The following ABI3BP variants were observed in gnomAD, a reference collection of about 807,000 sequenced individuals.
ABI3BP encodes the protein target of Nesh-SH3.
A neutral mutation model predicts 268.6 loss-of-function variants in ABI3BP; 216 were observed. The observed-to-expected ratio is 0.80, with a 90% CI of 0.72 to 0.90. ABI3BP has a LOEUF of 0.90. ABI3BP is among the 40% of genes least tolerant of loss of function. The pLI is 0.00. For missense variants in ABI3BP, 2,090 were observed against 2,182.4 expected (o/e 0.96, Z 0.84); for synonymous variants, 730 against 730.0 (o/e 1.00, Z 0.00).
chr3:100,962,925 C>T (rs931400263), intron 1 of ABI3BP, among the ~76,000 whole-genome samples: 2 of 152,144 alleles, frequency 1.3e-5, no homozygotes, highest in Non-Finnish European at 2.9e-5. Context: ...ACAGCCTACT[C>T]AGCACCGTTC....
intron 9 of ABI3BP, 69 bp from the exon 10 acceptor site, chr3:100,867,025 T>C: frequency 8.5e-7 from 1 of 1,182,760 alleles, no homozygotes. Flanking sequence ...CAATGCATAA[T>C]CAAGTAGCAG....
chr3:100,845,907 TG>T (rs2098761881), intron 20 of ABI3BP, among the ~76,000 whole-genome samples: 1 of 151,472 alleles, frequency 6.6e-6, no homozygotes, highest in South Asian at 2.1e-4. Context: ...CAGAGGTCAG[TG>T]TTCAGAAATC....
chr3:100,958,938 C>T (rs1387685707), intron 1 of ABI3BP, among the ~76,000 whole-genome samples: 1 of 152,164 alleles, frequency 6.6e-6, no homozygotes, highest in Admixed American at 6.5e-5. Flanking sequence ...TCTGAGAATG[C>T]CTCCCATGGA....
intron 55 of ABI3BP, among the ~76,000 whole-genome samples, chr3:100,790,148 C>A (rs1440756891): frequency 6.6e-6 from 1 of 151,902 alleles, no homozygotes; most frequent in Non-Finnish European, 1.5e-5. Context: ...AATCCCTGGG[C>A]CAATTATCCA....
Position 100,982,293 on chromosome 3 carries a change from T to C in ABI3BP, c.79+11013A>G, listed in dbSNP as rs143589731. 7.5e-3 allele frequency among the ~76,000 whole-genome samples: 1,144 copies of C among 152,238 alleles called. 11 individuals carry two copies. The highest frequency in any genetic ancestry group is 0.025 in the African/African-American group (1,046 of 41,552). On this transcript the variant is annotated intron_variant, in intron 1 of 67. Coordinates refer to ENST00000471714, the MANE Select transcript of ABI3BP (RefSeq NM_001375547.2). ...GTGGGAACACAGAGCCAAACTATAT[T>C]GGCAGGTAAAGAGTTTTAAAAATGT...
chr3:100,832,038 A>T (rs1016940146), intron 31 of ABI3BP, among the ~76,000 whole-genome samples: 2 of 152,190 alleles, frequency 1.3e-5, no homozygotes, highest in Admixed American at 6.6e-5. Context: ...TGTCTTTAAG[A>T]CAGGAATGAA....
chr3:100,762,633 T>C (rs2096036777), intron 63 of ABI3BP, among the ~76,000 whole-genome samples: 1 of 152,228 alleles, frequency 6.6e-6, no homozygotes, highest in African/African-American at 2.4e-5. Flanking sequence ...TACCTCATTT[T>C]ACTTTTCCAT....
At chr3:100,802,202 A>T (rs1186784784) in intron 51 of ABI3BP, among the ~76,000 whole-genome samples, 1 of 152,230 alleles carries the variant, frequency 6.6e-6, no homozygotes, top group Non-Finnish European at 1.5e-5. Flanking sequence ...GTGTGACTAC[A>T]CATAAGAATT....
At chr3:100,776,243 C>G (rs1428270989) in intron 59 of ABI3BP, among the ~76,000 whole-genome samples, 1 of 152,192 alleles carries the variant, frequency 6.6e-6, no homozygotes, top group Non-Finnish European at 1.5e-5. Flanking sequence ...AAGCCTGACC[C>G]AAGGACTATG....
chr3:100,845,073 G>T (rs1416866553), intron 20 of ABI3BP, among the ~76,000 whole-genome samples: 3 of 152,082 alleles, frequency 2.0e-5, no homozygotes, highest in African/African-American at 7.2e-5. Context: ...TGTAATAACA[G>T]AAATAATTCA....
Position 100,842,017 on chromosome 3 carries a change from CA to C in ABI3BP, c.1745del (p.Leu582ArgfsTer7), listed in dbSNP as rs1292521277. The C allele has an allele frequency of 6.5e-7, 1 of 1,534,488 alleles. No homozygotes were observed. Among genetic ancestry groups the C allele is most frequent in the South Asian group, 1.2e-5 (1 of 84,014 alleles). On this transcript the variant is annotated frameshift_variant, in exon 21 of 68. Coordinates refer to ENST00000471714, the MANE Select transcript of ABI3BP (RefSeq NM_001375547.2). LOFTEE classifies it high-confidence loss of function. ...TKPAPEPQTL[L>X]PSQSTIGPET... Reference sequence around the variant, plus strand: ...TATTACCTATTGTTGACTGTGATGGCAGTAGAGTCTGAGGTTCTGGGGCTGT... The same window carrying C: ...TATTACCTATTGTTGACTGTGATGGCGTAGAGTCTGAGGTTCTGGGGCTGT...
intron 57 of ABI3BP, among the ~76,000 whole-genome samples, chr3:100,781,492 AG>A (rs1360170611): frequency 6.6e-6 from 1 of 152,200 alleles, no homozygotes; most frequent in Non-Finnish European, 1.5e-5. Context: ...TCTCATAGGC[AG>A]GCCACAGGCA....
rs1008223946 is a variant in ABI3BP at position 100,866,925 on chromosome 3, T to C, written c.942A>G (p.Glu314=). 2 of 1,613,928 alleles carry C rather than the reference T, an allele frequency of 1.2e-6. No homozygotes were observed. Among genetic ancestry groups the C allele is most frequent in the Non-Finnish European group, 1.7e-6 (2 of 1,179,838 alleles). The change falls in exon 10 of 68, where the codon GAA becomes GAG. Residue 314 remains glutamate, a synonymous_variant. Transcript: ENST00000471714. ...AKNETLALPA[E]SKTPEVEKIS... ...TTTTTTCAACCTCTGGTGTTTTAGA[T>C]TCGGCAGGTAATGCCAAGGTTTCAT...
intron 33 of ABI3BP, 65 bp from the exon 34 acceptor site, chr3:100,828,517 T>G (rs879028660): frequency 1.4e-6 from 2 of 1,400,184 alleles, no homozygotes; most frequent in Admixed American, 4.1e-5. Flanking sequence ...ACTCAGAACA[T>G]TCAAAAAGAA....
chr3:100,852,311 C>G (rs1196997950), intron 14 of ABI3BP, among the ~76,000 whole-genome samples: 1 of 152,156 alleles, frequency 6.6e-6, no homozygotes, highest in Non-Finnish European at 1.5e-5. Flanking sequence ...AGAAGGAAAA[C>G]AGCAGTCCCA....
At chr3:100,810,373 C>A in intron 49 of ABI3BP, 39 bp downstream of exon 49, 5 of 1,483,264 alleles carry the variant, frequency 3.4e-6, no homozygotes, top group Non-Finnish European at 3.6e-6. Flanking sequence ...ATTCTGCAAA[C>A]ACTCACCTCA....
intron 4 of ABI3BP, among the ~76,000 whole-genome samples, chr3:100,894,957 A>C (rs1247657808): frequency 2.8e-5 from 4 of 143,540 alleles, no homozygotes; most frequent in South Asian, 2.3e-4. Flanking sequence ...AAAAAAAAAA[A>C]AAAAAAAAAA....
chr3:100,781,904 A>G (rs886879327), intron 57 of ABI3BP, among the ~76,000 whole-genome samples: 1 of 152,212 alleles, frequency 6.6e-6, no homozygotes, highest in African/African-American at 2.4e-5. Context: ...GAGATTAAGC[A>G]ATTTGCCCAA....
At chr3:100,892,759 T>C (rs1335333530) in intron 4 of ABI3BP, among the ~76,000 whole-genome samples, 1 of 152,136 alleles carries the variant, frequency 6.6e-6, no homozygotes. Flanking sequence ...TGCACAAAGT[T>C]TGAGAAGCAC....
Sources: gnomAD v4.1 joint callset for allele counts (sites outside exome capture counted in the v4.1 genomes callset) on GRCh38, gnomAD v4.1.1 for gene constraint, MANE v1.5 for transcripts, NCBI Gene and HGNC (gene_info 2026-07-23, HGNC 2026-07-21) for gene names.